The following SVEP1 variants were observed in gnomAD, a reference collection of about 807,000 sequenced individuals.
The protein encoded by SVEP1 is sushi, von Willebrand factor type A, EGF and pentraxin domain containing 1.
In SVEP1, 164 loss-of-function variants were observed where a neutral mutation model predicts 367.3. That is an observed-to-expected ratio of 0.45 (90% CI 0.39 to 0.51). The LOEUF (loss-of-function observed/expected upper bound fraction) is 0.51, where lower values mean the gene tolerates loss of function less well. Among genes scored for constraint, SVEP1 ranks in the 20% least tolerant of loss-of-function variants. The probability of loss-of-function intolerance (pLI) is 0.00; values close to 1 mark genes in which losing one functional copy is unlikely to be tolerated. For synonymous variants in SVEP1, 1,666 were observed against 1,611.6 expected (o/e 1.03, Z -0.81); for missense variants, 4,117 against 4,425.3 (o/e 0.93, Z 1.98).
intron 10 of SVEP1, among the ~76,000 whole-genome samples, chr9:110,483,263 C>T (rs796913248): frequency 2.6e-5 from 4 of 151,908 alleles, no homozygotes; most frequent in South Asian, 2.1e-4. Context: ...GTAGAGATGC[C>T]GATAAAATGC....
At chr9:110,576,023 C>T (rs529017512) in intron 1 of SVEP1, among the ~76,000 whole-genome samples, 1 of 152,240 alleles carries the variant, frequency 6.6e-6, no homozygotes, top group South Asian at 2.1e-4. Flanking sequence ...GGTCCTGACA[C>T]TGGGGCTGCA....
chr9:110,492,318 A>G (rs1338723163), intron 8 of SVEP1, among the ~76,000 whole-genome samples: 1 of 152,006 alleles, frequency 6.6e-6, no homozygotes, highest in African/African-American at 2.4e-5. Context: ...TGTAAAAAAA[A>G]CTATATTAAT....
At position 110,445,947 on chromosome 9, in the gene SVEP1, T is replaced by C. The variant is rs377340094; in HGVS notation, c.4353A>G (p.Leu1451=). 14 of 1,613,808 alleles carry C rather than the reference T, an allele frequency of 8.7e-6. No individual in the cohort carries two copies. The African/African-American group carries it at 1.2e-4, about 14-fold the overall frequency. Residue 1451 remains leucine, a synonymous_variant, in exon 26 of 48, where the codon CTA becomes CTG. Transcript: ENST00000374469. The part of the protein sequence containing the change: ...LDGMLPSLHA[L]TCTFWMKSSD... ...AGGATTTCATCCAGAAGGTACAGGT[T>C]AGAGCATGGAGAGATGGGAGCATGC...
At chr9:110,490,440 A>G (rs1446469317) in intron 8 of SVEP1, among the ~76,000 whole-genome samples, 3 of 152,098 alleles carry the variant, frequency 2.0e-5, no homozygotes, top group Non-Finnish European at 4.4e-5. Flanking sequence ...ACTTCTATCA[A>G]AACATGTATT....
intron 27 of SVEP1, chr9:110,442,639 G>T (rs186396272): frequency 6.6e-6 from 1 of 151,212 alleles, no homozygotes; most frequent in South Asian, 2.1e-4. Flanking sequence ...TTTTCTGTGC[G>T]TTTTTAGTAG....
chr9:110,559,858 C>T (rs1564176531), intron 1 of SVEP1, among the ~76,000 whole-genome samples: 4 of 152,060 alleles, frequency 2.6e-5, no homozygotes, highest in Admixed American at 6.6e-5. Context: ...AGGGTAATCA[C>T]ATAATATTAT....
chr9:110,522,779 T>C (rs1257198205), intron 3 of SVEP1, among the ~76,000 whole-genome samples: 1 of 152,208 alleles, frequency 6.6e-6, no homozygotes, highest in African/African-American at 2.4e-5. Context: ...GATATTTTTC[T>C]TTCTTCACTC....
intron 9 of SVEP1, among the ~76,000 whole-genome samples, chr9:110,488,043 C>T (rs7049025): frequency 0.11 from 16,846 of 152,128 alleles, 1,224 homozygotes; most frequent in Non-Finnish European, 0.16. Flanking sequence ...TGATCCGCAG[C>T]GGTGGTTCTG....
rs1828401527 is a variant in SVEP1 at position 110,434,487 on chromosome 9, C to T, written c.4908G>A (p.Gly1636=). 1.9e-6 allele frequency: 3 copies of T among 1,612,960 alleles called. No individual in the cohort carries two copies. Among genetic ancestry groups the T allele is most frequent in the Non-Finnish European group, 2.5e-6 (3 of 1,179,632 alleles). Residue 1636 remains glycine (G), a synonymous_variant, in exon 30 of 48, where the codon GGG becomes GGA. Transcript: ENST00000374469. ...IFCSDCPRLG[G]SVPHLRTASE... is the part of the protein sequence containing the mutation. ...ATGCAGTTCTCAGATGAGGCACTGA[C>T]CCTCCTAAGCGTGGGCAATCTGAGG...
chr9:110,489,883 C>G, intron 8 of SVEP1, 104 bp from the exon 9 acceptor site: 2 of 1,348,752 alleles, frequency 1.5e-6, no homozygotes, highest in Non-Finnish European at 2.0e-6. Context: ...CAATATTTCA[C>G]AAAGAGGAAA....
chr9:110,561,884 G>A (rs1172444809), intron 1 of SVEP1, among the ~76,000 whole-genome samples: 1 of 152,130 alleles, frequency 6.6e-6, no homozygotes, highest in Non-Finnish European at 1.5e-5. Context: ...AGTCTAGAAA[G>A]AAAGAAAAAG....
At chr9:110,372,688 T>C (rs759603564) in intron 46 of SVEP1, among the ~76,000 whole-genome samples, 1 of 151,610 alleles carries the variant, frequency 6.6e-6, no homozygotes, top group Non-Finnish European at 1.5e-5. Flanking sequence ...CTAGAATAGG[T>C]GGAGGAAAGA....
chr9:110,506,629 C>T (rs1829629609), intron 5 of SVEP1, among the ~76,000 whole-genome samples: 1 of 152,210 alleles, frequency 6.6e-6, no homozygotes, highest in African/African-American at 2.4e-5. Flanking sequence ...TCTGATCTAT[C>T]ATCTTCCGTA....
At position 110,365,325 on chromosome 9, in the gene SVEP1, T is replaced by G. The variant is rs1046149090; in HGVS notation, c.*1214A>C. ...ATGTAAGACTGGCCAAGAAAGTGAATGTCAAGAGAAAGAAGGAGGAGTCAA... is the reference window on the plus strand; with the variant it reads ...ATGTAAGACTGGCCAAGAAAGTGAAGGTCAAGAGAAAGAAGGAGGAGTCAA... On this transcript the variant is annotated 3_prime_UTR_variant, in exon 48 of 48. Transcript: ENST00000374469. The G allele has an allele frequency of 6.6e-6, 1 of 152,154 alleles. No homozygotes were observed. The highest frequency in any genetic ancestry group is 1.5e-5 in the Non-Finnish European group (1 of 68,054). The allele number at this position is 152,154 out of a possible 1,614,324, so 9.4% of individuals were successfully genotyped here.
chr9:110,514,090 T>G lies in SVEP1; in HGVS notation c.981A>C (p.Thr327=). Reference sequence around the variant, plus strand: ...CTCCTGGTGAGCCTTCAGGTTTGTATGTCCCCGATGGGCAAGCTGTGGGCA... The same window carrying G: ...CTCCTGGTGAGCCTTCAGGTTTGTAGGTCCCCGATGGGCAAGCTGTGGGCA... ...QYECTACPSG[T]YKPEGSPGGI... is the part of the protein sequence containing the mutation. The change falls in exon 4 of 48, where the codon ACA becomes ACC. Residue 327 remains threonine (T), a synonymous_variant. Transcript: ENST00000374469. 6.2e-7 allele frequency: 1 copy of G among 1,610,152 alleles called. No individual in the cohort carries two copies. The highest frequency in any genetic ancestry group is 2.2e-5 in the East Asian group (1 of 44,834).
At chr9:110,470,381 A>G (rs1390499990) in intron 16 of SVEP1, among the ~76,000 whole-genome samples, 1 of 152,118 alleles carries the variant, frequency 6.6e-6, no homozygotes, top group Non-Finnish European at 1.5e-5. Context: ...AAAAAAGCTA[A>G]GACTCGTGTT....
At chr9:110,490,373 G>T (rs998274167) in intron 8 of SVEP1, among the ~76,000 whole-genome samples, 1 of 152,050 alleles carries the variant, frequency 6.6e-6, no homozygotes. Context: ...TGGAATATAT[G>T]ATCGATTATC....
intron 38 of SVEP1, among the ~76,000 whole-genome samples, chr9:110,405,173 C>T (rs561235370): frequency 1.5e-4 from 23 of 152,040 alleles, no homozygotes; most frequent in African/African-American, 5.6e-4. Flanking sequence ...CATTTTTATT[C>T]TATAAACAGC....
chr9:110,476,341 A>C, intron 13 of SVEP1, 26 bp from the exon 14 acceptor site: 1 of 1,549,332 alleles, frequency 6.5e-7, no homozygotes, highest in Non-Finnish European at 8.9e-7. Context: ...GAAGAGGATA[A>C]AGTGTAAATC....
Sources: gnomAD v4.1 joint callset for allele counts (sites outside exome capture counted in the v4.1 genomes callset) on GRCh38, gnomAD v4.1.1 for gene constraint, MANE v1.5 for transcripts, NCBI Gene and HGNC (gene_info 2026-07-23, HGNC 2026-07-21) for gene names.